The following LRRTM4 variants were observed in gnomAD, a reference collection of about 807,000 sequenced individuals.
LRRTM4 encodes the protein leucine-rich repeat transmembrane neuronal protein 4.
A neutral mutation model predicts 47.6 loss-of-function variants in LRRTM4; 25 were observed. That is an observed-to-expected ratio of 0.53 (90% CI 0.38 to 0.73). The LOEUF is 0.73. Among genes scored for constraint, LRRTM4 ranks in the 30% least tolerant of loss-of-function variants. LRRTM4 has a pLI of 0.00. For synonymous variants in LRRTM4, 311 were observed against 269.5 expected (o/e 1.15, Z -1.51); for missense variants, 638 against 713.4 (o/e 0.89, Z 1.20).
At chr2:76,986,893 C>T (rs759239085) in intron 3 of LRRTM4, among the ~76,000 whole-genome samples, 23 of 151,832 alleles carry the variant, frequency 1.5e-4, no homozygotes, top group Non-Finnish European at 2.9e-4. Flanking sequence ...AATACATTAC[C>T]TCATCTTCAA....
chr2:77,157,234 C>G (rs1200770119), intron 3 of LRRTM4, among the ~76,000 whole-genome samples: 1 of 151,932 alleles, frequency 6.6e-6, no homozygotes, highest in African/African-American at 2.4e-5. Flanking sequence ...AAGATGTAAA[C>G]TGTAGTACAG....
intron 3 of LRRTM4, among the ~76,000 whole-genome samples, chr2:77,509,911 TA>T (rs970737746): frequency 6.6e-5 from 10 of 152,268 alleles, no homozygotes; most frequent in Non-Finnish European, 7.4e-5. Flanking sequence ...ACCAAGGCAG[TA>T]TTTGTCCATG....
chr2:76,986,617 A>G (rs965425578), intron 3 of LRRTM4, among the ~76,000 whole-genome samples: 6 of 151,936 alleles, frequency 3.9e-5, no homozygotes, highest in Non-Finnish European at 7.4e-5. Context: ...AGTTGAACAT[A>G]ATGAAAGCCC....
chr2:76,993,581 G>A (rs1347021009), intron 3 of LRRTM4, among the ~76,000 whole-genome samples: 1 of 151,840 alleles, frequency 6.6e-6, no homozygotes, highest in Non-Finnish European at 1.5e-5. Flanking sequence ...AGTCAGAATG[G>A]CTATTATTAA....
At chr2:76,894,660 A>G (rs927323598) in intron 3 of LRRTM4, among the ~76,000 whole-genome samples, 3 of 151,930 alleles carry the variant, frequency 2.0e-5, no homozygotes, top group Non-Finnish European at 2.9e-5. Flanking sequence ...TAAAGCCACT[A>G]TTAGAAATCT....
chr2:77,014,523 T>TATATATATA (rs1677989293), intron 3 of LRRTM4, among the ~76,000 whole-genome samples: 2 of 149,656 alleles, frequency 1.3e-5, no homozygotes, highest in South Asian at 2.1e-4. Context: ...TATATAAAGA[T>TATATATATA]TTTATAGGCC....
At chr2:77,133,106 T>C (rs546688508) in intron 3 of LRRTM4, among the ~76,000 whole-genome samples, 1 of 152,336 alleles carries the variant, frequency 6.6e-6, no homozygotes, top group Non-Finnish European at 1.5e-5. Flanking sequence ...ACTTCAAGTT[T>C]TTGAGCATAG....
At chr2:77,343,675 C>T (rs1053772981) in intron 3 of LRRTM4, among the ~76,000 whole-genome samples, 5 of 151,846 alleles carry the variant, frequency 3.3e-5, no homozygotes, top group Admixed American at 3.3e-4. Context: ...TCATTAAGTA[C>T]TTGTTTATGA....
intron 3 of LRRTM4, among the ~76,000 whole-genome samples, chr2:77,094,430 C>A (rs1385785625): frequency 6.6e-6 from 1 of 151,666 alleles, no homozygotes; most frequent in African/African-American, 2.4e-5. Flanking sequence ...AAAAAAAATC[C>A]TGAAATTTGT....
intron 3 of LRRTM4, among the ~76,000 whole-genome samples, chr2:77,155,867 A>G (rs918927784): frequency 2.0e-5 from 3 of 152,274 alleles, no homozygotes; most frequent in East Asian, 3.9e-4. Flanking sequence ...TATCTATCAC[A>G]TAACAGCTAA....
At chr2:77,324,374 A>G (rs1348123928) in intron 3 of LRRTM4, among the ~76,000 whole-genome samples, 1 of 152,150 alleles carries the variant, frequency 6.6e-6, no homozygotes, top group Non-Finnish European at 1.5e-5. Context: ...ATGCACACAA[A>G]TATATTTCTG....
At chr2:77,399,313 A>G (rs1481190261) in intron 3 of LRRTM4, among the ~76,000 whole-genome samples, 2 of 151,842 alleles carry the variant, frequency 1.3e-5, no homozygotes, top group African/African-American at 2.4e-5. Context: ...CATATGCATT[A>G]CCTCATACAC....
At chr2:76,940,490 G>A (rs1027568249) in intron 3 of LRRTM4, among the ~76,000 whole-genome samples, 9 of 152,152 alleles carry the variant, frequency 5.9e-5, no homozygotes, top group African/African-American at 1.9e-4. Flanking sequence ...CTACCTGAGG[G>A]TGGAGGGTGA....
At chr2:76,831,404 G>A (rs1671348979) in intron 3 of LRRTM4, among the ~76,000 whole-genome samples, 1 of 152,082 alleles carries the variant, frequency 6.6e-6, no homozygotes, top group Non-Finnish European at 1.5e-5. Flanking sequence ...TGTTGACTCT[G>A]TGTTCTACAC....
At chr2:76,818,947 A>G (rs1342379017) in intron 3 of LRRTM4, among the ~76,000 whole-genome samples, 1 of 151,842 alleles carries the variant, frequency 6.6e-6, no homozygotes, top group Non-Finnish European at 1.5e-5. Context: ...TTTTACTAGT[A>G]AAGTTATACT....
chr2:76,854,403 T>C (rs1351704569), intron 3 of LRRTM4, among the ~76,000 whole-genome samples: 1 of 151,878 alleles, frequency 6.6e-6, no homozygotes, highest in Non-Finnish European at 1.5e-5. Flanking sequence ...CCCACTGAGG[T>C]GGTAGTCATC....
intron 3 of LRRTM4, among the ~76,000 whole-genome samples, chr2:76,941,509 C>T (rs1016647602): frequency 1.5e-4 from 23 of 151,956 alleles, no homozygotes; most frequent in Non-Finnish European, 3.2e-4. Context: ...GTTCCCCTCC[C>T]TGTGCTCGTA....
At position 77,187,657 on chromosome 2, in the gene LRRTM4, G is replaced by T. The variant is rs551248953; in HGVS notation, c.1551+330661C>A. Among the ~76,000 whole-genome samples, 41 of 151,950 alleles carry T rather than the reference G, an allele frequency of 2.7e-4. 1 individual carries two copies. The South Asian group carries it at 8.3e-3, about 31-fold the overall frequency. On this transcript the variant is annotated intron_variant, in intron 3 of 3. Coordinates refer to ENST00000409884, the MANE Select transcript of LRRTM4 (RefSeq NM_001134745.3). ...AAACAAAAAACAAAATACAAAAAAA[G>T]ATATCTATTCTGGCTTTTTCTTTTA...
chr2:77,321,999 A>C (rs1188711627), intron 3 of LRRTM4, among the ~76,000 whole-genome samples: 1 of 152,192 alleles, frequency 6.6e-6, no homozygotes, highest in African/African-American at 2.4e-5. Flanking sequence ...TGAAATTCTG[A>C]GCTGTAGGAG....
Sources: gnomAD v4.1 joint callset for allele counts (sites outside exome capture counted in the v4.1 genomes callset) on GRCh38, gnomAD v4.1.1 for gene constraint, MANE v1.5 for transcripts, NCBI Gene and HGNC (gene_info 2026-07-23, HGNC 2026-07-21) for gene names.